Variants in DLC1 observed in about 807,000 individuals in gnomAD.
DLC1 encodes rho GTPase-activating protein 7.
In DLC1, 54 loss-of-function variants were observed where a neutral mutation model predicts 140.3. That is an observed-to-expected ratio of 0.38 (90% CI 0.31 to 0.48). The LOEUF is 0.48. Ranked by LOEUF, DLC1 falls within the 20% of genes least tolerant of loss-of-function variation. DLC1 has a pLI of 0.96. For synonymous variants in DLC1, 986 were observed against 728.1 expected, an observed-to-expected ratio of 1.35 and a Z score of -5.70; for missense variants, 2,536 against 1,907.0, an observed-to-expected ratio of 1.33 and a Z score of -6.14.
intron 5 of DLC1, among the ~76,000 whole-genome samples, chr8:13,146,422 G>A (rs1823444133): frequency 6.6e-6 from 1 of 151,734 alleles, no homozygotes; most frequent in African/African-American, 2.4e-5. Flanking sequence ...CATAACTAGT[G>A]AGCTAGTGAT....
At chr8:13,413,257 T>C (rs79025665) in intron 2 of DLC1, among the ~76,000 whole-genome samples, 19 of 48,964 alleles carry the variant, frequency 3.9e-4, no homozygotes, top group Non-Finnish European at 4.7e-4. Context: ...TTTTTTGCGA[T>C]TTTTTTTTTT....
intron 2 of DLC1, among the ~76,000 whole-genome samples, chr8:13,478,793 C>T (rs1217060809): frequency 6.6e-6 from 1 of 152,140 alleles, no homozygotes; most frequent in East Asian, 1.9e-4. Flanking sequence ...TCTTTTATAG[C>T]AATTATTGAA....
intron 5 of DLC1, among the ~76,000 whole-genome samples, chr8:13,264,115 C>T (rs536242460): frequency 6.2e-5 from 9 of 145,532 alleles, no homozygotes; most frequent in East Asian, 4.0e-4. Context: ...GTCACCCAGG[C>T]TGGAGTGCAG....
At chr8:13,129,539 G>A (rs752535441) in intron 5 of DLC1, among the ~76,000 whole-genome samples, 4 of 152,182 alleles carry the variant, frequency 2.6e-5, no homozygotes, top group Non-Finnish European at 4.4e-5. Flanking sequence ...CTGATAAAAT[G>A]AGCATTCTGA....
At chr8:13,135,204 CTTTTTTTTT>C (rs548207973) in intron 5 of DLC1, among the ~76,000 whole-genome samples, 1 of 131,218 alleles carries the variant, frequency 7.6e-6, no homozygotes, top group Non-Finnish European at 1.6e-5. Context: ...AGTGAGAAGC[CTTTTTTTTT>C]TTTTTTTTTG....
intron 5 of DLC1, among the ~76,000 whole-genome samples, chr8:13,282,562 G>A (rs1831400571): frequency 6.6e-6 from 1 of 152,000 alleles, no homozygotes; most frequent in Non-Finnish European, 1.5e-5. Flanking sequence ...AATAATTTTA[G>A]ATACAGTTAA....
chr8:13,099,944 C>A lies in DLC1; in HGVS notation c.2393G>T (p.Arg798Leu). ...CACCGTGTCCTCTGGGTAGCTCTCG[C>A]GGTTCTTAAAGTTCTGCTCCACCAC... is the stretch of plus-strand genomic sequence containing the variant. ...NNVVEQNFKN[R>L]ESYPEDTVFY... Residue 798 changes from arginine to leucine, a missense_variant, in exon 9 of 18, where the codon CGC (arginine) becomes CTC (leucine). Coordinates refer to ENST00000276297, the MANE Select transcript of DLC1 (RefSeq NM_182643.3). 6.2e-7 allele frequency: 1 copy of A among 1,613,338 alleles called. No homozygotes were observed. Among genetic ancestry groups the A allele is most frequent in the Non-Finnish European group, 8.5e-7 (1 of 1,180,020 alleles).
At chr8:13,413,256 A>ATTTTTTTGTTTTTTTTTTTTTTTT (rs1837875954) in intron 2 of DLC1, among the ~76,000 whole-genome samples, 2 of 82,020 alleles carry the variant, frequency 2.4e-5, no homozygotes, top group South Asian at 4.9e-4. Flanking sequence ...TTTTTTTGCG[A>ATTTTTTTGTTTTTTTTTTTTTTTT]TTTTTTTTTT....
At chr8:13,511,548 C>A (rs910428228) in intron 1 of DLC1, among the ~76,000 whole-genome samples, 1 of 152,106 alleles carries the variant, frequency 6.6e-6, no homozygotes, top group African/African-American at 2.4e-5. Flanking sequence ...CACTGTATTT[C>A]TCTATCACAC....
intron 1 of DLC1, among the ~76,000 whole-genome samples, chr8:13,535,212 A>G (rs1394495408): frequency 1.3e-5 from 2 of 152,142 alleles, no homozygotes; most frequent in Non-Finnish European, 2.9e-5. Context: ...AGTCGGGACA[A>G]GGGTCTAAAT....
At chr8:13,248,859 T>A (rs536288143) in intron 5 of DLC1, among the ~76,000 whole-genome samples, 2 of 151,998 alleles carry the variant, frequency 1.3e-5, no homozygotes, top group South Asian at 2.1e-4. Flanking sequence ...GCAATTCACC[T>A]TTTTTTTCCC....
At position 13,099,838 on chromosome 8, in the gene DLC1, G is replaced by C. The variant is rs758299921; in HGVS notation, c.2499C>G (p.Asn833Lys). The C allele has an allele frequency of 1.2e-6, 2 of 1,614,196 alleles. No individual in the cohort carries two copies. The highest frequency in any genetic ancestry group is 1.7e-5 in the Admixed American group (1 of 60,024). The stretch of plus-strand genomic sequence containing the variant: ...TTCCCGTCCTCCAGTTCACAGAGCC[G>C]TTATTCCCCGAGGGGGAGAAACTGC... ...TNGSFSPSGN[N>K]GSVNWRTGSF... The change falls in exon 9 of 18, where the codon AAC (asparagine) becomes AAG (lysine). Residue 833 changes from asparagine to lysine, a missense_variant. Transcript: ENST00000276297.
At chr8:13,418,359 C>A (rs62492197) in intron 2 of DLC1, among the ~76,000 whole-genome samples, 27,193 of 152,024 alleles carry the variant, frequency 0.18, 3,055 homozygotes, top group East Asian at 0.31. Context: ...TCTAACGTTT[C>A]AGTCTTTAAT....
chr8:13,386,072 T>C (rs1183075677), intron 4 of DLC1, among the ~76,000 whole-genome samples: 3 of 152,210 alleles, frequency 2.0e-5, no homozygotes, highest in Non-Finnish European at 4.4e-5. Flanking sequence ...TGGCAGTTGT[T>C]ATTTCTCTTG....
intron 1 of DLC1, among the ~76,000 whole-genome samples, chr8:13,511,761 G>A (rs1802377266): frequency 6.6e-6 from 1 of 152,034 alleles, no homozygotes; most frequent in African/African-American, 2.4e-5. Flanking sequence ...TAAAATCCCT[G>A]ATCTAGATCT....
At chr8:13,386,039 A>G (rs568700576) in intron 4 of DLC1, among the ~76,000 whole-genome samples, 1 of 152,156 alleles carries the variant, frequency 6.6e-6, no homozygotes, top group Non-Finnish European at 1.5e-5. Context: ...TTGGCTTGCC[A>G]TTTTTTATTG....
intron 5 of DLC1, among the ~76,000 whole-genome samples, chr8:13,182,768 T>C (rs186534385): frequency 1.3e-5 from 2 of 152,312 alleles, no homozygotes; most frequent in Middle Eastern, 3.4e-3. Context: ...GCCTCCAGCT[T>C]TGTTCTTTTT....
At chr8:13,577,613 T>C (rs779483914) in intron 1 of DLC1, among the ~76,000 whole-genome samples, 2 of 152,240 alleles carry the variant, frequency 1.3e-5, no homozygotes, top group African/African-American at 2.4e-5. Flanking sequence ...ACCTACATTG[T>C]ATAGGGGAAA....
At chr8:13,486,318 G>A (rs1304714940) in intron 2 of DLC1, among the ~76,000 whole-genome samples, 1 of 152,104 alleles carries the variant, frequency 6.6e-6, no homozygotes. Flanking sequence ...GCATATACCT[G>A]AAATGGCAGT....
Sources: allele counts gnomAD v4.1 joint callset (sites outside exome capture counted in the v4.1 genomes callset), GRCh38; gene constraint gnomAD v4.1.1; transcripts MANE v1.5; gene names NCBI Gene and HGNC (gene_info 2026-07-23, HGNC 2026-07-21).